SLC25A48: variants seen among roughly 807,000 people sequenced by gnomAD.
SLC25A48 encodes solute carrier family 25 member 48, also known as CTC-321K16.1.
In SLC25A48, 29 loss-of-function variants were observed where a neutral mutation model predicts 32.2. That is an observed-to-expected ratio of 0.90 (90% CI 0.67 to 1.23). The LOEUF (loss-of-function observed/expected upper bound fraction) is 1.23. Ranked by LOEUF, SLC25A48 falls within the 50% of genes most tolerant of loss-of-function variation. SLC25A48 has a pLI of 0.00. For synonymous variants in SLC25A48, 164 were observed against 172.3 expected (o/e 0.95, Z 0.38); for missense variants, 399 against 422.7 (o/e 0.94, Z 0.49).
At chr5:135,632,065 G>A (rs2126908287) in intron 2 of SLC25A48, among the ~76,000 whole-genome samples, 1 of 152,328 alleles carries the variant, frequency 6.6e-6, no homozygotes. Flanking sequence ...AGGTGTGTAA[G>A]GCTAACTTCA....
chr5:135,584,112 A>AG (rs1751303170), intron 1 of SLC25A48, among the ~76,000 whole-genome samples: 1 of 152,248 alleles, frequency 6.6e-6, no homozygotes, highest in Admixed American at 6.5e-5. Flanking sequence ...GAGTGTATGT[A>AG]GGGGGGCTCT....
chr5:135,718,209 G>A (rs1754855412), intron 3 of SLC25A48, among the ~76,000 whole-genome samples: 1 of 152,104 alleles, frequency 6.6e-6, no homozygotes, highest in African/African-American at 2.4e-5. Context: ...GGTGAGGGGT[G>A]AGGGAAGCTG....
chr5:135,582,029 C>T (rs1377599175), intron 1 of SLC25A48, among the ~76,000 whole-genome samples: 1 of 152,180 alleles, frequency 6.6e-6, no homozygotes, highest in East Asian at 1.9e-4. Flanking sequence ...TGAAGGACAG[C>T]ACACATGCCT....
In SLC25A48 at chr5:135,747,954, G is replaced by A. The variant is rs78024192; in HGVS notation, c.-520-64569G>A. Among the ~76,000 whole-genome samples the A allele has an allele frequency of 6.4e-3, 974 of 152,280 alleles. 12 individuals carry two copies. Among genetic ancestry groups the A allele is most frequent in the African/African-American group, 0.022 (901 of 41,552 alleles). ...GGAACCATGGTGATAAAACTGGTCT[G>A]TCCGGCTGCAGAGCCTGCACTTAGT... On this transcript the variant is annotated intron_variant, in intron 3 of 10. Coordinates refer to the SLC25A48 transcript ENST00000646290.
intron 3 of SLC25A48, among the ~76,000 whole-genome samples, chr5:135,706,996 G>T (rs932800180): frequency 6.6e-6 from 1 of 152,234 alleles, no homozygotes; most frequent in Non-Finnish European, 1.5e-5. Flanking sequence ...GAAAATGCAG[G>T]AGGTGAGGCC....
At chr5:135,694,767 A>G (rs1231632188) in intron 3 of SLC25A48, among the ~76,000 whole-genome samples, 1 of 151,934 alleles carries the variant, frequency 6.6e-6, no homozygotes, top group East Asian at 1.9e-4. Flanking sequence ...TTGTATTTTT[A>G]GTAGAGATGA....
intron 3 of SLC25A48, among the ~76,000 whole-genome samples, chr5:135,799,240 G>A (rs978994159): frequency 6.6e-6 from 1 of 151,680 alleles, no homozygotes; most frequent in African/African-American, 2.4e-5. Context: ...AACCCCTTCT[G>A]TGATATTGTT....
At chr5:135,674,027 G>A (rs920412913) in intron 3 of SLC25A48, among the ~76,000 whole-genome samples, 2 of 151,890 alleles carry the variant, frequency 1.3e-5, no homozygotes, top group Admixed American at 1.3e-4. Flanking sequence ...TCAACCACAT[G>A]TGTGGTTGGT....
intron 3 of SLC25A48, among the ~76,000 whole-genome samples, chr5:135,636,795 C>T (rs1016557347): frequency 2.0e-5 from 3 of 152,334 alleles, no homozygotes; most frequent in African/African-American, 7.2e-5. Flanking sequence ...TCCGTTACCT[C>T]GAGGTTGAGT....
intron 3 of SLC25A48, among the ~76,000 whole-genome samples, chr5:135,757,559 T>C (rs1755946565): frequency 6.7e-6 from 1 of 148,924 alleles, no homozygotes; most frequent in African/African-American, 2.5e-5. Flanking sequence ...ATTTATAATG[T>C]CTAGTGTTAA....
chr5:135,742,801 T>A (rs1399816266), intron 3 of SLC25A48, among the ~76,000 whole-genome samples: 1 of 152,126 alleles, frequency 6.6e-6, no homozygotes, highest in Non-Finnish European at 1.5e-5. Context: ...TTTACACATT[T>A]GTCTCCCCCA....
chr5:135,765,301 G>A (rs528456689), intron 3 of SLC25A48, among the ~76,000 whole-genome samples: 2 of 151,098 alleles, frequency 1.3e-5, no homozygotes, highest in South Asian at 4.2e-4. Context: ...GGGTAAGAGG[G>A]TAATGTTACT....
At chr5:135,723,771 T>C (rs1163258579) in intron 3 of SLC25A48, among the ~76,000 whole-genome samples, 5 of 152,224 alleles carry the variant, frequency 3.3e-5, no homozygotes, top group Admixed American at 3.3e-4. Context: ...GCATCGTTTT[T>C]AATGGCTCAC....
intron 1 of SLC25A48, among the ~76,000 whole-genome samples, chr5:135,593,751 G>T (rs1580708038): frequency 6.6e-6 from 1 of 152,226 alleles, no homozygotes; most frequent in Non-Finnish European, 1.5e-5. Flanking sequence ...TCTTGGAGAT[G>T]TAATCGATGG....
chr5:135,767,346 T>C (rs1165835073), intron 3 of SLC25A48, among the ~76,000 whole-genome samples: 1 of 151,888 alleles, frequency 6.6e-6, no homozygotes, highest in Non-Finnish European at 1.5e-5. Flanking sequence ...GTTACATGCT[T>C]CGGAATATCT....
intron 4 of SLC25A48, among the ~76,000 whole-genome samples, chr5:135,856,836 G>A (rs373334201): frequency 1.3e-5 from 2 of 152,234 alleles, no homozygotes; most frequent in Non-Finnish European, 2.9e-5. Flanking sequence ...GAGAACCCAG[G>A]CATCCAGGCC....
At chr5:135,777,072 G>C (rs1438116784) in intron 3 of SLC25A48, among the ~76,000 whole-genome samples, 1 of 151,410 alleles carries the variant, frequency 6.6e-6, no homozygotes, top group Non-Finnish European at 1.5e-5. Context: ...AATATCGCAG[G>C]GGTTGTACAT....
chr5:135,864,357 A>G (rs1168579662), intron 4 of SLC25A48, among the ~76,000 whole-genome samples: 1 of 152,222 alleles, frequency 6.6e-6, no homozygotes, highest in Non-Finnish European at 1.5e-5. Context: ...TTCTCCAGGC[A>G]GGTTGACCTT....
intron 3 of SLC25A48, among the ~76,000 whole-genome samples, chr5:135,801,632 A>T (rs1410372996): frequency 2.0e-5 from 3 of 151,256 alleles, no homozygotes; most frequent in Non-Finnish European, 1.5e-5. Flanking sequence ...AATATCCAGG[A>T]GGGGAGGAGA....
Sources: gnomAD v4.1 joint callset for allele counts (sites outside exome capture counted in the v4.1 genomes callset) on GRCh38, gnomAD v4.1.1 for gene constraint, MANE v1.5 for transcripts, NCBI Gene and HGNC (gene_info 2026-07-23, HGNC 2026-07-21) for gene names.